The following SPAG17 variants were observed in gnomAD, a reference collection of about 807,000 sequenced individuals.
SPAG17 encodes the protein sperm-associated antigen 17.
A neutral mutation model predicts 273.6 loss-of-function variants in SPAG17; 169 were observed. The observed-to-expected ratio is 0.62, with a 90% CI of 0.55 to 0.70. The LOEUF (loss-of-function observed/expected upper bound fraction) is 0.70. Among genes scored for constraint, SPAG17 ranks in the 30% least tolerant of loss-of-function variants. The probability of loss-of-function intolerance (pLI) is 0.00; values close to 1 mark genes in which losing one functional copy is unlikely to be tolerated. For missense variants in SPAG17, 2,557 were observed against 2,627.8 expected (o/e 0.97, Z 0.59); for synonymous variants, 825 against 873.2 (o/e 0.94, Z 0.97).
At chr1:118,093,466 G>T (rs1655515814) in intron 7 of SPAG17, 149 bp from the exon 8 acceptor site, 2 of 705,800 alleles carry the variant, frequency 2.8e-6, no homozygotes, top group African/African-American at 3.6e-5. Context: ...CCCAACCATG[G>T]TGACCCCATT....
At chr1:118,123,283 C>T (rs1480597381) in intron 3 of SPAG17, among the ~76,000 whole-genome samples, 1 of 152,030 alleles carries the variant, frequency 6.6e-6, no homozygotes, top group Non-Finnish European at 1.5e-5. Flanking sequence ...ATCCAATTCA[C>T]ATTCTTTAAG....
chr1:118,122,563 T>G (rs1048805432), intron 3 of SPAG17, among the ~76,000 whole-genome samples: 1 of 152,186 alleles, frequency 6.6e-6, no homozygotes, highest in Non-Finnish European at 1.5e-5. Context: ...TTCTGTGAGT[T>G]GTAGGATATT....
chr1:118,067,477 C>T (rs1180546697), intron 17 of SPAG17, among the ~76,000 whole-genome samples: 1 of 152,150 alleles, frequency 6.6e-6, no homozygotes, highest in Non-Finnish European at 1.5e-5. Context: ...TCTCCATCCC[C>T]ACTCCCTCTT....
At chr1:118,140,910 T>C (rs950146756) in intron 3 of SPAG17, among the ~76,000 whole-genome samples, 2 of 152,234 alleles carry the variant, frequency 1.3e-5, no homozygotes, top group East Asian at 1.9e-4. Context: ...GGGCTTCTCC[T>C]GTCTCCCACT....
chr1:118,067,503 T>A (rs1653103523), intron 17 of SPAG17, among the ~76,000 whole-genome samples: 1 of 152,166 alleles, frequency 6.6e-6, no homozygotes, highest in Admixed American at 6.5e-5. Context: ...CTCTGCCATG[T>A]GAGGACACAA....
intron 3 of SPAG17, among the ~76,000 whole-genome samples, chr1:118,142,577 ATAATAG>A (rs934401868): frequency 3.3e-5 from 5 of 152,236 alleles, no homozygotes; most frequent in African/African-American, 9.6e-5. Context: ...AATTTTAAAA[ATAATAG>A]TAATAGTAAT....
chr1:118,089,899 A>C (rs7529708), intron 10 of SPAG17, among the ~76,000 whole-genome samples: 2,561 of 152,230 alleles, frequency 0.017, 33 homozygotes, highest in African/African-American at 0.033. Flanking sequence ...TATGATAATG[A>C]TGGAATTCTC....
intron 43 of SPAG17, among the ~76,000 whole-genome samples, chr1:117,980,968 A>G (rs1655735863): frequency 6.6e-6 from 1 of 152,226 alleles, no homozygotes; most frequent in African/African-American, 2.4e-5. Context: ...TCAATAAATC[A>G]TACAAGTTCT....
chr1:118,042,606 G>A lies in SPAG17; in HGVS notation c.2815-564C>T, dbSNP rs114009222. ...AACATTTTATTTTAAAACAGTCATC[G>A]AGGCAGGAAAATAGGGTCTAGAGGC... is the stretch of plus-strand genomic sequence containing the variant. On this transcript the variant is annotated intron_variant, in intron 20 of 48. Transcript: ENST00000336338. Among the ~76,000 whole-genome samples the A allele has an allele frequency of 7.6e-3, 1,150 of 152,190 alleles. 18 individuals are homozygous for A. Among genetic ancestry groups the A allele is most frequent in the African/African-American group, 0.026 (1,067 of 41,532 alleles).
intron 3 of SPAG17, among the ~76,000 whole-genome samples, chr1:118,137,728 T>C (rs994105768): frequency 2.0e-5 from 3 of 152,222 alleles, no homozygotes; most frequent in Admixed American, 6.5e-5. Flanking sequence ...ATTATTTTAA[T>C]GTATAAATAT....
At chr1:117,981,163 A>AT in intron 43 of SPAG17, 107 bp downstream of exon 43, 1 of 1,280,040 alleles carries the variant, frequency 7.8e-7, no homozygotes, top group Non-Finnish European at 1.0e-6. Flanking sequence ...GACCCTCTCG[A>AT]TTTTTTTCTG....
intron 18 of SPAG17, among the ~76,000 whole-genome samples, chr1:118,062,975 C>T (rs1652511335): frequency 6.6e-6 from 1 of 152,094 alleles, no homozygotes; most frequent in Non-Finnish European, 1.5e-5. Flanking sequence ...AAAATGAAAA[C>T]TCACATTTCT....
At chr1:117,977,003 C>G (rs1005954775) in intron 43 of SPAG17, among the ~76,000 whole-genome samples, 2 of 152,134 alleles carry the variant, frequency 1.3e-5, no homozygotes, top group African/African-American at 4.8e-5. Context: ...TGAACACATT[C>G]ATTTTATTTT....
intron 28 of SPAG17, among the ~76,000 whole-genome samples, chr1:118,023,099 T>A (rs1167433030): frequency 6.6e-6 from 1 of 152,160 alleles, no homozygotes; most frequent in East Asian, 1.9e-4. Context: ...CTGTTAATTA[T>A]TTATTACTAA....
At chr1:118,075,563 T>C (rs1654009086) in intron 15 of SPAG17, among the ~76,000 whole-genome samples, 1 of 152,242 alleles carries the variant, frequency 6.6e-6, no homozygotes, top group South Asian at 2.1e-4. Flanking sequence ...GCAAATTTGA[T>C]CACAGAAATA....
chr1:118,087,195 C>T (rs1425553702), intron 10 of SPAG17, 187 bp from the exon 11 acceptor site: 14 of 458,404 alleles, frequency 3.1e-5, no homozygotes, highest in Non-Finnish European at 4.5e-5. Flanking sequence ...GTTCGCAATC[C>T]ATGCATTAAG....
intron 15 of SPAG17, among the ~76,000 whole-genome samples, chr1:118,075,183 C>A (rs985601494): frequency 2.6e-5 from 4 of 152,164 alleles, no homozygotes; most frequent in Admixed American, 2.6e-4. Context: ...TGCTAATTTA[C>A]AAATGAAGCT....
intron 3 of SPAG17, among the ~76,000 whole-genome samples, chr1:118,126,470 C>T (rs921639636): frequency 2.6e-5 from 4 of 151,934 alleles, no homozygotes. Flanking sequence ...GTCTCAGCCT[C>T]CCAAAGTGCT....
At chr1:118,016,630 C>T (rs1660008093) in intron 28 of SPAG17, among the ~76,000 whole-genome samples, 1 of 152,202 alleles carries the variant, frequency 6.6e-6, no homozygotes, top group African/African-American at 2.4e-5. Flanking sequence ...ACTCTTGATT[C>T]CCCTGATTTT....
Sources: gnomAD v4.1 joint callset for allele counts (sites outside exome capture counted in the v4.1 genomes callset) on GRCh38, gnomAD v4.1.1 for gene constraint, MANE v1.5 for transcripts, NCBI Gene and HGNC (gene_info 2026-07-23, HGNC 2026-07-21) for gene names.